MUC5AC: variants seen among roughly 807,000 people sequenced by gnomAD.
MUC5AC encodes mucin-5AC.
In MUC5AC, 158 loss-of-function variants were observed where a neutral mutation model predicts 169.7. The ratio of observed to expected loss-of-function variants is 0.93; its 90% CI spans 0.82 to 1.06. MUC5AC has a LOEUF of 1.06. Among genes scored for constraint, MUC5AC ranks in the 50% least tolerant of loss-of-function variants. The pLI is 0.00. For synonymous variants in MUC5AC, 1,975 were observed against 1,237.0 expected, an observed-to-expected ratio of 1.60 and a Z score of -12.52; for missense variants, 4,359 against 3,089.9, an observed-to-expected ratio of 1.41 and a Z score of -9.74.
chr11:1,161,687 G>A (rs547686259), intron 3 of MUC5AC, 101 bp downstream of exon 3: 12 of 1,365,924 alleles, frequency 8.8e-6, no homozygotes, highest in South Asian at 5.6e-5. Context: ...CCAGCTTTCC[G>A]GGTGAACACT....
intron 24 of MUC5AC, 134 bp downstream of exon 24, chr11:1,177,767 G>C (rs1003421085): frequency 7.6e-6 from 3 of 396,846 alleles, no homozygotes; most frequent in East Asian, 3.6e-5. Context: ...TGGGAAGTGG[G>C]GGGGACGGAG....
At chr11:1,160,761 G>A (rs2133712734) in intron 2 of MUC5AC, 72 bp downstream of exon 2, 2 of 1,463,012 alleles carry the variant, frequency 1.4e-6, no homozygotes, top group Non-Finnish European at 1.9e-6. Context: ...ACGGCCCCTA[G>A]GGCCACTGGT....
At chr11:1,167,034 A>G (rs1396489877) in intron 11 of MUC5AC, among the ~76,000 whole-genome samples, 2 of 18,412 alleles carry the variant, frequency 1.1e-4, no homozygotes, top group African/African-American at 2.2e-4. Context: ...CCCTGCACCC[A>G]ACACACAGTC....
Position 1,161,511 on chromosome 11 carries a change from G to A in MUC5AC, c.152-16G>A. 1 of 1,583,468 alleles carries A rather than the reference G, an allele frequency of 6.3e-7. No individual in the cohort carries two copies. Among genetic ancestry groups the A allele is most frequent in the Non-Finnish European group, 8.6e-7 (1 of 1,162,512 alleles). ...GTGGGGCCGTGCGTGAATCCTACCA[G>A]CCCCTGTCTCCGCAGGGGTCCCGCT... On this transcript the variant is annotated splice_polypyrimidine_tract_variant and intron_variant, in intron 2 of 48. Coordinates refer to ENST00000621226, the MANE Select transcript of MUC5AC (RefSeq NM_001304359.2).
Position 1,163,030 on chromosome 11 carries a change from G to A in MUC5AC, c.664G>A (p.Glu222Lys), listed in dbSNP as rs757656197. The A allele has an allele frequency of 4.3e-6, 7 of 1,612,478 alleles. No individual in the cohort carries two copies. In the South Asian group the frequency reaches 4.4e-5, roughly 10 times the overall value. Residue 222 changes from glutamate (E) to lysine (K), a missense_variant, in exon 6 of 49, where the codon GAG becomes AAG. Transcript: ENST00000621226. Reference sequence around the variant, plus strand: ...CTTCAACGGGATGCCCGTGGTCAGCGAGCTCCTCTCCCACAGTAAGGCCCC... The same window carrying A: ...CTTCAACGGGATGCCCGTGGTCAGCAAGCTCCTCTCCCACAGTAAGGCCCC... ...GDFNGMPVVS[E>K]LLSHNTKLTP...
intron 21 of MUC5AC, 101 bp from the exon 22 acceptor site, chr11:1,176,827 C>T (rs910079638): frequency 1.9e-4 from 76 of 398,668 alleles, no homozygotes; most frequent in Non-Finnish European, 2.5e-4. Context: ...GCCCAGTGGG[C>T]GCGTGTCTAT....
chr11:1,193,570 CG>C lies in MUC5AC; in HGVS notation c.14667del (p.Arg4890GlyfsTer14). On this transcript the variant is annotated frameshift_variant, in exon 33 of 49. Coordinates refer to ENST00000621226, the MANE Select transcript of MUC5AC (RefSeq NM_001304359.2). LOFTEE classifies it high-confidence loss of function. ...ATCTCCCTGCGCCCGCGCACGTGCC[CG>C]AGGGTGGAGAAGCCCACTTGTGCCA... ...NVISLRPRTC[P>X]RVEKPTCANG... The C allele has an allele frequency of 1.3e-6, 1 of 764,836 alleles. No homozygotes were observed. The highest frequency in any genetic ancestry group is 2.4e-5 in the East Asian group (1 of 41,230). The allele number at this position is 764,836 out of a possible 1,614,324, so 47.4% of individuals were successfully genotyped here.
At position 1,183,150 on chromosome 11, in the gene MUC5AC, C is replaced by T; in HGVS notation, c.5005C>T (p.Gln1669Ter). Residue 1669 changes from glutamine to a stop codon, truncating the protein, a stop_gained, in exon 31 of 49, where the codon CAG (glutamine) becomes TAG (stop). Coordinates refer to ENST00000621226, the MANE Select transcript of MUC5AC (RefSeq NM_001304359.2). LOFTEE classifies it high-confidence loss of function. Reference sequence around the variant, plus strand: ...CTGCTACAACTATGAGATCCGCATCCAGTGTTGCGAGACGGTGAACGTGTG... The same window carrying T: ...CTGCTACAACTATGAGATCCGCATCTAGTGTTGCGAGACGGTGAACGTGTG... Reference protein sequence around the residue: ...PICYNYEIRIQCCETVNVCRD... With the variant: ...PICYNYEIRI The T allele has an allele frequency of 2.7e-6, 1 of 370,924 alleles. No homozygotes were observed. Among genetic ancestry groups the T allele is most frequent in the East Asian group, 3.6e-5 (1 of 27,624 alleles). The allele number at this position is 370,924 out of a possible 1,614,324, so 23.0% of individuals were successfully genotyped here.
In MUC5AC at chr11:1,200,993, G is replaced by T; in HGVS notation, c.*291G>T. 3.2e-6 allele frequency: 1 copy of T among 315,734 alleles called. No homozygotes were observed. Among genetic ancestry groups the T allele is most frequent in the East Asian group, 5.1e-5 (1 of 19,558 alleles). 19.6% of individuals were successfully genotyped at this position (315,734 alleles called of 1,614,324 possible). On this transcript the variant is annotated 3_prime_UTR_variant, in exon 49 of 49. Transcript: ENST00000621226. ...CTGGGGACGTGAGCATCACCTGAGG[G>T]TCTCAGGAATGACGCTTGGACATGG...
At position 1,196,487 on chromosome 11, in the gene MUC5AC, C is replaced by G. The variant is rs150910952; in HGVS notation, c.15725+12C>G. 1,066 of 764,942 alleles carry G rather than the reference C, an allele frequency of 1.4e-3. 7 individuals carry two copies. The highest frequency in any genetic ancestry group is 3.6e-3 in the Middle Eastern group (16 of 4,436). The allele number at this position is 764,942 out of a possible 1,614,324, so 47.4% of individuals were successfully genotyped here. A position where few individuals can be genotyped will look rare whatever the true frequency, so the allele number is the denominator to read the frequency against. ...AGCGCCAGCCTCGGGTAGGCACCCT[C>G]CCTCCTGGCCCTGCCATGGGCTGCT... On this transcript the variant is annotated intron_variant, in intron 38 of 48. Transcript: ENST00000621226.
chr11:1,171,332 CA>C (rs1860520815), intron 15 of MUC5AC, among the ~76,000 whole-genome samples: 1 of 132,002 alleles, frequency 7.6e-6, no homozygotes, highest in Admixed American at 7.8e-5. Context: ...CTCACTCACT[CA>C]CTCACGCATT....
chr11:1,164,058 T>C (rs1483130121), intron 7 of MUC5AC, 48 bp from the exon 8 acceptor site: 4 of 1,609,792 alleles, frequency 2.5e-6, no homozygotes, highest in Non-Finnish European at 3.4e-6. Flanking sequence ...TGGGAACCGG[T>C]CCAGATCCCC....
intron 16 of MUC5AC, 134 bp downstream of exon 16, chr11:1,172,657 G>A: frequency 2.5e-6 from 1 of 397,602 alleles, no homozygotes; most frequent in East Asian, 3.6e-5. Flanking sequence ...GGCACCAGGG[G>A]CTGGAACCCA....
rs1861089516 is a variant in MUC5AC at position 1,191,241 on chromosome 11, A to G, written c.13096A>G (p.Thr4366Ala). 2 of 731,920 alleles carry G rather than the reference A, an allele frequency of 2.7e-6. No individual in the cohort carries two copies. Among genetic ancestry groups the G allele is most frequent in the African/African-American group, 3.6e-5 (2 of 55,896 alleles). The allele number at this position is 731,920 out of a possible 1,614,324, so 45.3% of individuals were successfully genotyped here. A position where few individuals can be genotyped will look rare whatever the true frequency, so the allele number is the denominator to read the frequency against. ...TACAACCAGCACAACCTCTGCCTCT[A>G]CAGCCAGCACAACCTCTGGTCCTGG... is the stretch of plus-strand genomic sequence containing the variant. ...APTTSTTSASTASTTSGPGTT... is the reference protein window; with the variant it reads ...APTTSTTSASAASTTSGPGTT... The change falls in exon 31 of 49, where the codon ACA (threonine) becomes GCA (alanine). Residue 4366 changes from threonine (T) to alanine (A), a missense_variant. By Grantham distance (58) the Thr-to-Ala change is moderately conservative (BLOSUM62 0). Transcript: ENST00000621226.
intron 19 of MUC5AC, 74 bp downstream of exon 19, chr11:1,175,344 G>C (rs983975247): frequency 1.8e-5 from 7 of 398,438 alleles, no homozygotes; most frequent in Non-Finnish European, 3.1e-5. Context: ...AATGGCTTCA[G>C]GGTTAGCCCC....
rs1465148509 is a variant in MUC5AC, at chr11:1,186,859, C to A, written c.8714C>A (p.Thr2905Lys). The change falls in exon 31 of 49, where the codon ACA (threonine) becomes AAA (lysine). Residue 2905 changes from threonine to lysine, a missense_variant. Coordinates refer to ENST00000621226, the MANE Select transcript of MUC5AC (RefSeq NM_001304359.2). ...ACAACCAGAACAACCTCTGCTCCTA[C>A]AACCAGCACAACCTCTGCCCCTACA... The part of the protein sequence containing the change: ...APTTRTTSAP[T>K]TSTTSAPTTS... 2 of 733,670 alleles carry A rather than the reference C, an allele frequency of 2.7e-6. No individual in the cohort carries two copies. The highest frequency in any genetic ancestry group is 2.5e-5 in the East Asian group (1 of 39,460). 45.4% of individuals were successfully genotyped at this position (733,670 alleles called of 1,614,324 possible). A position where few individuals can be genotyped will look rare whatever the true frequency, so the allele number is the denominator to read the frequency against.
rs765913975 is a variant in MUC5AC, at chr11:1,164,562, G to T, written c.1129+30G>T. 4 of 1,583,832 alleles carry T rather than the reference G, an allele frequency of 2.5e-6. No individual in the cohort carries two copies. In the Admixed American group the frequency reaches 7.1e-5, roughly 28 times the overall value. On this transcript the variant is annotated intron_variant, in intron 9 of 48. Transcript: ENST00000621226. ...GGCTCCCCCGCCCCTGGGAAACACA[G>T]GTGCACCCCGACAACTAGGGGGCTG... is the stretch of plus-strand genomic sequence containing the variant.
At position 1,175,146 on chromosome 11, in the gene MUC5AC, T is replaced by A. The variant is rs1860640696; in HGVS notation, c.2348+9T>A. On this transcript the variant is annotated intron_variant, in intron 18 of 48. Transcript: ENST00000621226. Reference sequence around the variant, plus strand: ...GACAGCGGGGCTATCTGGTAAGAGCTCCCGCTGTGGACTGGGGGGTCCCTC... The same window carrying A: ...GACAGCGGGGCTATCTGGTAAGAGCACCCGCTGTGGACTGGGGGGTCCCTC... 1 of 355,748 alleles carries A rather than the reference T, an allele frequency of 2.8e-6. No homozygotes were observed. Among genetic ancestry groups the A allele is most frequent in the South Asian group, 1.6e-4 (1 of 6,408 alleles). 22.0% of individuals were successfully genotyped at this position (355,748 alleles called of 1,614,324 possible). A position where few individuals can be genotyped will look rare whatever the true frequency, so the allele number is the denominator to read the frequency against.
In MUC5AC at chr11:1,177,254, C is replaced by A. The variant is rs899908955; in HGVS notation, c.2817C>A (p.Ser939Arg). 1.8e-3 allele frequency: 749 copies of A among 417,158 alleles called. 1 individual carries two copies. Among genetic ancestry groups the A allele is most frequent in the Non-Finnish European group, 1.5e-3 (358 of 236,298 alleles). 25.8% of individuals were successfully genotyped at this position (417,158 alleles called of 1,614,324 possible). A position where few individuals can be genotyped will look rare whatever the true frequency, so the allele number is the denominator to read the frequency against. The change falls in exon 23 of 49, where the codon AGC becomes AGA. Residue 939 changes from serine to arginine, a missense_variant. Transcript: ENST00000621226. ...LVQNHCGGKD[S>R]TQDSFRVVTE... ...AGAACCACTGTGGCGGGAAAGACAGCACCCAGGACTCCTTTCGTGTTGTCA... is the reference window on the plus strand; with the variant it reads ...AGAACCACTGTGGCGGGAAAGACAGAACCCAGGACTCCTTTCGTGTTGTCA...
Sources: gnomAD v4.1 joint callset for allele counts (sites outside exome capture counted in the v4.1 genomes callset) on GRCh38, gnomAD v4.1.1 for gene constraint, MANE v1.5 for transcripts, NCBI Gene and HGNC (gene_info 2026-07-23, HGNC 2026-07-21) for gene names.